ARHGEF6: variants seen among roughly 807,000 people sequenced by gnomAD.
ARHGEF6 encodes the protein rho guanine nucleotide exchange factor 6.
A neutral mutation model predicts 70.3 loss-of-function variants in ARHGEF6; 9 were observed. The observed-to-expected ratio is 0.13, with a 90% CI of 0.08 to 0.22. ARHGEF6 has a LOEUF of 0.22. Ranked by LOEUF, ARHGEF6 falls within the 10% of genes least tolerant of loss-of-function variation. ARHGEF6 has a pLI of 1.00. For synonymous variants in ARHGEF6, 201 were observed against 207.8 expected, an observed-to-expected ratio of 0.97 and a Z score of 0.28; for missense variants, 470 against 563.0, an observed-to-expected ratio of 0.83 and a Z score of 1.67.
chrX:136,676,598 A>C (rs1167252620), intron 18 of ARHGEF6, 26 bp downstream of exon 18: 1 of 1,091,103 alleles, frequency 9.2e-7, no homozygotes, highest in Non-Finnish European at 1.3e-6. Context: ...TCCATAAACA[A>C]CTTTCAGAAA....
chrX:136,726,015 T>A (rs777398905), intron 6 of ARHGEF6, among the ~76,000 whole-genome samples: 1 of 112,053 alleles, frequency 8.9e-6, no homozygotes, highest in African/African-American at 3.2e-5. Flanking sequence ...GAAACTAAAA[T>A]GCATAAACAA....
intron 6 of ARHGEF6, among the ~76,000 whole-genome samples, chrX:136,716,204 G>C (rs1196733138): frequency 8.9e-6 from 1 of 112,994 alleles, no homozygotes; most frequent in Non-Finnish European, 1.9e-5. Context: ...GCCTCCCAAA[G>C]TGCTGGGATT....
chrX:136,679,581 C>T lies in ARHGEF6; in HGVS notation c.1784G>A (p.Arg595Gln). ...IIKPWSLSCL[R>Q]PAPPLRPSAA... is the part of the protein sequence containing the mutation. Reference sequence around the variant, plus strand: ...TGATGGTCTAAGTGGAGGTGCAGGTCGTAGACAACTTAAACTCCACGGTTT... The same window carrying T: ...TGATGGTCTAAGTGGAGGTGCAGGTTGTAGACAACTTAAACTCCACGGTTT... Residue 595 changes from arginine (R) to glutamine (Q), a missense_variant, in exon 16 of 22, where the codon CGA (arginine) becomes CAA (glutamine). Arg to Gln is a conservative substitution (Grantham distance 43). Around this residue, in one of 3 missense-constraint regions of ARHGEF6, gnomAD observed 379 missense variants for 449.3 expected, o/e 0.84. Coordinates refer to ENST00000250617, the MANE Select transcript of ARHGEF6 (RefSeq NM_004840.3). The T allele has an allele frequency of 4.1e-6, 5 of 1,210,962 alleles. No individual in the cohort carries two copies. The highest frequency in any genetic ancestry group is 3.5e-5 in the South Asian group (2 of 56,966).
At chrX:136,718,726 T>C (rs2076764038) in intron 6 of ARHGEF6, among the ~76,000 whole-genome samples, 1 of 111,253 alleles carries the variant, frequency 9.0e-6, no homozygotes, top group African/African-American at 3.2e-5. Flanking sequence ...TATTTGACAA[T>C]GGCATTGTGT....
chrX:136,700,697 T>C (rs938139862), intron 9 of ARHGEF6, among the ~76,000 whole-genome samples: 4 of 111,997 alleles, frequency 3.6e-5, no homozygotes, highest in South Asian at 3.7e-4. Context: ...TCAGTTCCTA[T>C]TACTTAATTT....
intron 4 of ARHGEF6, 152 bp downstream of exon 4, chrX:136,745,071 C>T: frequency 1.3e-6 from 1 of 771,581 alleles, no homozygotes; most frequent in Non-Finnish European, 2.0e-6. Context: ...TCCTTCGGGC[C>T]AGCCTGAATT....
At chrX:136,682,662 C>G (rs2076344090) in intron 13 of ARHGEF6, 96 bp downstream of exon 13, 1 of 677,895 alleles carries the variant, frequency 1.5e-6, no homozygotes, top group East Asian at 3.3e-5. Context: ...GTTCTCCTGG[C>G]TTGAGCTTTT....
chrX:136,779,669 G>A (rs1028533438), intron 1 of ARHGEF6, among the ~76,000 whole-genome samples, 172 bp from the exon 2 acceptor site: 6 of 111,738 alleles, frequency 5.4e-5, no homozygotes, highest in Admixed American at 9.5e-5. Context: ...AAATCTAAAC[G>A]GTCGATCTTT....
intron 5 of ARHGEF6, among the ~76,000 whole-genome samples, chrX:136,740,993 C>T (rs2077036396): frequency 1.8e-5 from 2 of 112,096 alleles, no homozygotes; most frequent in South Asian, 7.4e-4. Context: ...TACTCCAGGG[C>T]TCAATAGAAC....
chrX:136,742,268 G>C (rs990269135), intron 5 of ARHGEF6, among the ~76,000 whole-genome samples: 10 of 111,548 alleles, frequency 9.0e-5, no homozygotes, highest in African/African-American at 2.9e-4. Context: ...GCAGCAAGCC[G>C]AGATTGCGCC....
intron 6 of ARHGEF6, among the ~76,000 whole-genome samples, chrX:136,714,590 G>A (rs188245708): frequency 1.8e-5 from 2 of 112,008 alleles, no homozygotes; most frequent in East Asian, 5.6e-4. Flanking sequence ...ACAGAGTGAA[G>A]TGTCCTTAAC....
chrX:136,726,542 T>A (rs1374849087), intron 6 of ARHGEF6, among the ~76,000 whole-genome samples: 4 of 111,530 alleles, frequency 3.6e-5, no homozygotes, highest in Non-Finnish European at 5.7e-5. Flanking sequence ...GGTAGATAGA[T>A]GAGTGAGAGA....
chrX:136,719,684 C>CAGAAAATCAGT (rs1259420784), intron 6 of ARHGEF6, among the ~76,000 whole-genome samples: 1 of 110,552 alleles, frequency 9.0e-6, no homozygotes. Flanking sequence ...AGATTGAAAA[C>CAGAAAATCAGT]AGAAAATCAG....
At chrX:136,728,247 C>T (rs1376972895) in intron 6 of ARHGEF6, among the ~76,000 whole-genome samples, 1 of 111,273 alleles carries the variant, frequency 9.0e-6, no homozygotes, top group Non-Finnish European at 1.9e-5. Context: ...TGCCATGTCC[C>T]TCAAGGATGC....
intron 2 of ARHGEF6, among the ~76,000 whole-genome samples, chrX:136,753,682 C>T (rs772434662): frequency 2.7e-5 from 3 of 112,022 alleles, no homozygotes; most frequent in Non-Finnish European, 5.6e-5. Flanking sequence ...CCAGGGCACT[C>T]TCTCCCAATA....
chrX:136,669,135 C>T (rs985424433), intron 21 of ARHGEF6, among the ~76,000 whole-genome samples: 4 of 111,822 alleles, frequency 3.6e-5, no homozygotes, highest in East Asian at 5.6e-4. Context: ...TAGGCCACAT[C>T]GGCAGAAAAG....
chrX:136,739,025 A>G (rs1387577126), intron 5 of ARHGEF6, among the ~76,000 whole-genome samples: 1 of 111,073 alleles, frequency 9.0e-6, no homozygotes, highest in Non-Finnish European at 1.9e-5. Context: ...CGCTACCTCC[A>G]GAAAGATCTT....
intron 6 of ARHGEF6, among the ~76,000 whole-genome samples, chrX:136,727,321 TTCTTTTTCTTTCTTTCTTTC>T (rs2076864189): frequency 1.8e-5 from 1 of 56,370 alleles, no homozygotes; most frequent in Non-Finnish European, 2.8e-5. Context: ...CTTTCTTTCT[TTCTTTTTCTTTCTTTCTTTC>T]TTTCTTTCTT....
At chrX:136,732,708 G>A (rs2076947765) in intron 5 of ARHGEF6, among the ~76,000 whole-genome samples, 1 of 111,960 alleles carries the variant, frequency 8.9e-6, no homozygotes, top group Non-Finnish European at 1.9e-5. Flanking sequence ...TTGCCCAACT[G>A]TAGGCTACTG....
Sources: allele counts gnomAD v4.1 joint callset (sites outside exome capture counted in the v4.1 genomes callset), GRCh38; gene constraint gnomAD v4.1.1; regional missense constraint gnomAD v4.1.1; transcripts MANE v1.5; gene names NCBI Gene and HGNC (gene_info 2026-07-23, HGNC 2026-07-21).